Variants in SV2C observed in about 807,000 individuals in gnomAD.
SV2C encodes the protein solute carrier family 22 member B3.
SV2C carries 49 observed loss-of-function variants against 79.7 expected under a neutral mutation model. That is an observed-to-expected ratio of 0.61 (90% CI 0.49 to 0.78). SV2C has a LOEUF of 0.78. Among genes scored for constraint, SV2C ranks in the 30% least tolerant of loss-of-function variants. SV2C has a pLI of 0.00. For missense variants in SV2C, 833 were observed against 912.9 expected, an observed-to-expected ratio of 0.91 and a Z score of 1.13; for synonymous variants, 334 against 333.2, an observed-to-expected ratio of 1.00 and a Z score of -0.03.
At chr5:75,942,091 A>G in the SV2C span, among the ~76,000 whole-genome samples, 1 of 152,226 alleles carries the variant, frequency 6.6e-6, no homozygotes, top group African/African-American at 2.4e-5. Context: ...AGTTCTGGAC[A>G]GATGAACACA....
chr5:76,345,997 G>A (rs960105761), intron 12 of SV2C, among the ~76,000 whole-genome samples: 9 of 152,176 alleles, frequency 5.9e-5, no homozygotes, highest in African/African-American at 1.9e-4. Context: ...TTCGCAATAA[G>A]CAAAGGGATA....
chr5:76,303,695 A>G (rs1372997512), intron 12 of SV2C, among the ~76,000 whole-genome samples: 1 of 152,230 alleles, frequency 6.6e-6, no homozygotes, highest in African/African-American at 2.4e-5. Context: ...TGTGAGAAGT[A>G]CAGACCTACG....
At chr5:76,136,778 A>G (rs1171291699) in intron 2 of SV2C, among the ~76,000 whole-genome samples, 2 of 152,240 alleles carry the variant, frequency 1.3e-5, no homozygotes, top group Non-Finnish European at 1.5e-5. Flanking sequence ...GGCAGATAAA[A>G]GGAAGGATGG....
At chr5:76,006,800 CT>C in the SV2C span, among the ~76,000 whole-genome samples, 56,334 of 151,596 alleles carry the variant, frequency 0.37, 10,613 homozygotes, top group East Asian at 0.46. Context: ...TGTTGTTCCT[CT>C]GATATTCTAC....
At chr5:75,994,583 C>A in the SV2C span, among the ~76,000 whole-genome samples, 1 of 152,084 alleles carries the variant, frequency 6.6e-6, no homozygotes. Flanking sequence ...CTCTAAATTT[C>A]TGCATAAGAA....
At chr5:75,904,493 G>A in the SV2C span, among the ~76,000 whole-genome samples, 1 of 151,660 alleles carries the variant, frequency 6.6e-6, no homozygotes, top group African/African-American at 2.4e-5. Context: ...TCACCCTCTT[G>A]GTGCAAATTG....
chr5:76,284,625 A>G (rs1747290375), intron 4 of SV2C, among the ~76,000 whole-genome samples: 1 of 152,098 alleles, frequency 6.6e-6, no homozygotes, highest in Admixed American at 6.6e-5. Context: ...AGGAAATGAG[A>G]GCACACACTG....
chr5:76,144,249 A>T (rs1749349825), intron 2 of SV2C, among the ~76,000 whole-genome samples: 1 of 141,148 alleles, frequency 7.1e-6, no homozygotes. Context: ...TTATTTTTTC[A>T]CTGTAAAGAC....
chr5:76,103,569 A>G (rs1747809446), intron 1 of SV2C, among the ~76,000 whole-genome samples: 1 of 152,206 alleles, frequency 6.6e-6, no homozygotes, highest in African/African-American at 2.4e-5. Flanking sequence ...GCACATAAAG[A>G]CAGCCATAGC....
intron 1 of SV2C, among the ~76,000 whole-genome samples, chr5:76,105,042 C>A (rs755090553): frequency 6.6e-6 from 1 of 152,136 alleles, no homozygotes; most frequent in African/African-American, 2.4e-5. Context: ...GAAATAGAAT[C>A]TTTGCAGATG....
At chr5:75,896,768 T>C in the SV2C span, among the ~76,000 whole-genome samples, 2 of 148,930 alleles carry the variant, frequency 1.3e-5, no homozygotes, top group East Asian at 3.8e-4. Flanking sequence ...TTCTAACTGG[T>C]GTGAGATGGT....
chr5:76,218,304 A>G (rs956939269), intron 4 of SV2C, among the ~76,000 whole-genome samples: 7 of 152,238 alleles, frequency 4.6e-5, no homozygotes, highest in Admixed American at 6.5e-5. Context: ...ACACATGCAC[A>G]TGTATGTTTA....
At chr5:76,285,139 C>G in intron 4 of SV2C, 23 bp from the exon 5 acceptor site, 1 of 1,612,942 alleles carries the variant, frequency 6.2e-7, no homozygotes, top group Non-Finnish European at 8.5e-7. Context: ...CTCTCCCTCA[C>G]TCTCCGTGTC....
chr5:75,916,418 C>A, the SV2C span, among the ~76,000 whole-genome samples: 2 of 144,434 alleles, frequency 1.4e-5, no homozygotes, highest in Non-Finnish European at 3.1e-5. Flanking sequence ...TCCTCCTCCA[C>A]CTCCTCTTCT....
chr5:75,901,235 G>A, the SV2C span, among the ~76,000 whole-genome samples: 1 of 152,144 alleles, frequency 6.6e-6, no homozygotes, highest in Non-Finnish European at 1.5e-5. Context: ...TTTGGTCTTT[G>A]ATGATGGTGA....
At chr5:76,220,309 C>T (rs1745028245) in intron 4 of SV2C, among the ~76,000 whole-genome samples, 1 of 152,132 alleles carries the variant, frequency 6.6e-6, no homozygotes, top group Non-Finnish European at 1.5e-5. Context: ...CTGGTGCATT[C>T]TTCTCAATCC....
chr5:75,984,212 A>C, the SV2C span, among the ~76,000 whole-genome samples: 1 of 152,210 alleles, frequency 6.6e-6, no homozygotes, highest in Non-Finnish European at 1.5e-5. Flanking sequence ...TTGTGGAGGT[A>C]GAATTAGGAT....
intron 4 of SV2C, among the ~76,000 whole-genome samples, chr5:76,269,476 G>A (rs1484001450): frequency 1.3e-5 from 2 of 152,156 alleles, no homozygotes; most frequent in African/African-American, 2.4e-5. Flanking sequence ...GTTGATGTAC[G>A]AAACAGGATG....
the SV2C span, among the ~76,000 whole-genome samples, chr5:75,992,873 CAA>C: frequency 4.9e-4 from 75 of 151,984 alleles, no homozygotes; most frequent in African/African-American, 1.7e-3. Flanking sequence ...AGGAACAAAT[CAA>C]ACTTACTGAC....
Sources: gnomAD v4.1 joint callset for allele counts (sites outside exome capture counted in the v4.1 genomes callset) on GRCh38, gnomAD v4.1.1 for gene constraint, MANE v1.5 for transcripts, NCBI Gene and HGNC (gene_info 2026-07-23, HGNC 2026-07-21) for gene names.